The following SAMD4B variants were observed in gnomAD, a reference collection of about 807,000 sequenced individuals.
SAMD4B encodes the protein protein Smaug homolog 2.
A neutral mutation model predicts 74.5 loss-of-function variants in SAMD4B; 5 were observed. The observed-to-expected ratio is 0.07, with a 90% CI of 0.04 to 0.14. The LOEUF is 0.14. Among genes scored for constraint, SAMD4B ranks in the 10% least tolerant of loss-of-function variants. The pLI is 1.00. For synonymous variants in SAMD4B, 373 were observed against 374.9 expected, an observed-to-expected ratio of 1.00 and a Z score of 0.06; for missense variants, 608 against 921.8, an observed-to-expected ratio of 0.66 and a Z score of 4.41.
At chr19:39,344,924 C>CCTT (rs2075601682) in intron 1 of SAMD4B, among the ~76,000 whole-genome samples, 1 of 152,146 alleles carries the variant, frequency 6.6e-6, no homozygotes, top group Non-Finnish European at 1.5e-5. Context: ...CTTTCAGAAG[C>CCTT]CTTCTTCCTT....
downstream of SAMD4B, chr19:39,386,729 G>A (rs944863917): frequency 2.1e-5 from 34 of 1,613,936 alleles, no homozygotes; most frequent in Non-Finnish European, 2.9e-5. This position sits in a 1 kb window ranked among gnomAD's most constrained non-coding sequence, Gnocchi z 6.1. Flanking sequence ...ATGTCCCGAT[G>A]TTTGACCACA....
At chr19:39,390,107 G>A (rs540656296), downstream of SAMD4B, 1 of 1,614,046 alleles carries the variant, frequency 6.2e-7, no homozygotes, top group African/African-American at 1.3e-5. Flanking sequence ...ACTTGGGGTC[G>A]AAGGGGATAT....
intron 3 of SAMD4B, chr19:39,369,259 TCTGCACTA>T: frequency 3.9e-6 from 1 of 258,884 alleles, no homozygotes; most frequent in South Asian, 4.4e-5. Flanking sequence ...TGATTGGGTG[TCTGCACTA>T]AGTGTGGCCC....
At chr19:39,357,591 G>A (rs1245309833) in intron 3 of SAMD4B, among the ~76,000 whole-genome samples, 1 of 152,202 alleles carries the variant, frequency 6.6e-6, no homozygotes, top group Non-Finnish European at 1.5e-5. Context: ...AGTTCCCTAA[G>A]TACTTATTAG....
rs927313229 is a variant in SAMD4B, at chr19:39,354,539, A to G, written c.-206+473A>G. On this transcript the variant is annotated intron_variant, in intron 2 of 13. Transcript: ENST00000610417. ...AATAAATATATATTGAGCACCTTCTACGTGCCAGGCACTGTTGTAGGCACT... is the reference window on the plus strand; with the variant it reads ...AATAAATATATATTGAGCACCTTCTGCGTGCCAGGCACTGTTGTAGGCACT... Among the ~76,000 whole-genome samples the G allele has an allele frequency of 4.6e-5, 7 of 152,332 alleles. No individual in the cohort carries two copies. The South Asian group carries it at 1.4e-3, about 32-fold the overall frequency.
At chr19:39,360,328 G>C (rs1403832128) in intron 3 of SAMD4B, among the ~76,000 whole-genome samples, 1 of 152,210 alleles carries the variant, frequency 6.6e-6, no homozygotes, top group Admixed American at 6.5e-5. Context: ...GCCTAGCCAG[G>C]GTTGAGAAGT....
chr19:39,390,390 ATGC>A (rs2078353535), downstream of SAMD4B: 1 of 1,130,006 alleles, frequency 8.8e-7, no homozygotes, highest in Non-Finnish European at 1.3e-6. Context: ...GGGGTGACAA[ATGC>A]TGGTTTCTTT....
intron 5 of SAMD4B, 80 bp from the exon 6 acceptor site, chr19:39,376,357 G>C (rs772212372): frequency 1.2e-4 from 144 of 1,215,736 alleles, no homozygotes; most frequent in Non-Finnish European, 1.6e-4. Context: ...GCTTCCTGTG[G>C]GTTTATCCCC....
At chr19:39,389,017 T>C, downstream of SAMD4B, 1 of 1,614,156 alleles carries the variant, frequency 6.2e-7, no homozygotes, top group Non-Finnish European at 8.5e-7. The surrounding 1 kb of genome is among the most constrained non-coding windows in gnomAD (Gnocchi z 5.3). Context: ...CTGTGAGATC[T>C]GGTGGAACAA....
At chr19:39,349,873 C>A (rs1011184740) in intron 1 of SAMD4B, 1 of 152,186 alleles carries the variant, frequency 6.6e-6, no homozygotes, top group African/African-American at 2.4e-5. Context: ...TCCCGAAGTG[C>A]TGGGATTACA....
intron 1 of SAMD4B, among the ~76,000 whole-genome samples, 152 bp downstream of exon 1, chr19:39,342,728 G>T (rs1200518089): frequency 4.6e-5 from 7 of 150,830 alleles, no homozygotes; most frequent in Non-Finnish European, 8.9e-5. Flanking sequence ...CGCGGGCCTC[G>T]GGGGGCCGGG....
Position 39,383,987 on chromosome 19 carries a change from G to A in SAMD4B, c.*460G>A, listed in dbSNP as rs1472274630. ...AACCTGCCCTCCAGAATGTTATTGA[G>A]AGGAGCTGGGGAGAAGGAAGGGGAG... On this transcript the variant is annotated 3_prime_UTR_variant, in exon 14 of 14. Coordinates refer to ENST00000610417, the MANE Select transcript of SAMD4B (RefSeq NM_001384574.2). This position sits in a 1 kb window ranked among gnomAD's most constrained non-coding sequence, Gnocchi z 4.1. The A allele has an allele frequency of 2.1e-5, 10 of 471,052 alleles. No individual in the cohort carries two copies. Among genetic ancestry groups the A allele is most frequent in the Non-Finnish European group, 3.8e-6 (1 of 264,886 alleles). The allele number at this position is 471,052 out of a possible 1,614,324, so 29.2% of individuals were successfully genotyped here.
intron 1 of SAMD4B, among the ~76,000 whole-genome samples, chr19:39,342,779 C>G (rs1177498683): frequency 6.6e-6 from 1 of 151,658 alleles, no homozygotes. Context: ...AGTCTCCCTC[C>G]TGGGCCCTGG....
At position 39,377,594 on chromosome 19, in the gene SAMD4B, C is replaced by T. The variant is rs2077679253; in HGVS notation, c.1214C>T (p.Thr405Ile). 1 of 1,614,056 alleles carries T rather than the reference C, an allele frequency of 6.2e-7. No individual in the cohort carries two copies. The highest frequency in any genetic ancestry group is 8.5e-7 in the Non-Finnish European group (1 of 1,179,940). Residue 405 changes from threonine to isoleucine, a missense_variant, in exon 8 of 14, where the codon ACC becomes ATC. Physicochemically the swap from Thr to Ile is moderately conservative, Grantham distance 89 (BLOSUM62 -1). This residue lies in a region of SAMD4B where 99 missense variants were observed against 112.1 expected (regional missense o/e 0.88). Transcript: ENST00000610417. ...CTCCAGGCCACCGTGGCTGCCGCCA[C>T]CACCACCCCTACTGCCAAGGATGGG... ...SVLQATVAAATTTPTAKDGAP... is the reference protein window; with the variant it reads ...SVLQATVAAAITTPTAKDGAP...
Position 39,383,849 on chromosome 19 carries a change from C to A in SAMD4B, c.*322C>A. 1 of 784,162 alleles carries A rather than the reference C, an allele frequency of 1.3e-6. No individual in the cohort carries two copies. The allele number at this position is 784,162 out of a possible 1,614,324, so 48.6% of individuals were successfully genotyped here. A position where few individuals can be genotyped will look rare whatever the true frequency, so the allele number is the denominator to read the frequency against. ...CATCCCACCCCTGCCTCCTCCAGAC[C>A]GCTGACCACCTGCCTCTCCCCAAGG... On this transcript the variant is annotated 3_prime_UTR_variant, in exon 14 of 14. Coordinates refer to ENST00000610417, the MANE Select transcript of SAMD4B (RefSeq NM_001384574.2). This position sits in a 1 kb window ranked among gnomAD's most constrained non-coding sequence, Gnocchi z 4.1.
At chr19:39,386,200 C>T (rs367931828), downstream of SAMD4B, 11 of 1,614,056 alleles carry the variant, frequency 6.8e-6, no homozygotes, top group Admixed American at 3.3e-5. This position sits in a 1 kb window ranked among gnomAD's most constrained non-coding sequence, Gnocchi z 6.1. Context: ...GAGTCGGCAT[C>T]GTCCTCAGAA....
chr19:39,371,279 G>A (rs1337440991), intron 4 of SAMD4B, among the ~76,000 whole-genome samples: 2 of 152,172 alleles, frequency 1.3e-5, no homozygotes, highest in South Asian at 2.1e-4. Context: ...CTAATGCCCC[G>A]CTGTCTGGTA....
At chr19:39,346,758 A>G (rs2075727901) in intron 1 of SAMD4B, among the ~76,000 whole-genome samples, 1 of 152,176 alleles carries the variant, frequency 6.6e-6, no homozygotes, top group Non-Finnish European at 1.5e-5. Flanking sequence ...GTTGTTAGGT[A>G]TGCAGACCCT....
chr19:39,370,540 C>T (rs955705071), intron 4 of SAMD4B, among the ~76,000 whole-genome samples: 1 of 152,214 alleles, frequency 6.6e-6, no homozygotes, highest in African/African-American at 2.4e-5. Context: ...TAGTCTGCCT[C>T]TGCTCCCACC....
Sources: gnomAD v4.1 joint callset for allele counts (sites outside exome capture counted in the v4.1 genomes callset) on GRCh38, gnomAD v4.1.1 for gene constraint, gnomAD v4.1.1 regional missense constraint, Gnocchi (gnomAD v3.1) non-coding constraint, MANE v1.5 for transcripts, NCBI Gene and HGNC (gene_info 2026-07-23, HGNC 2026-07-21) for gene names.